The following KLC3 variants were observed in gnomAD, a reference collection of about 807,000 sequenced individuals.
The protein encoded by KLC3 is kinesin light chain 3.
A neutral mutation model predicts 62.9 loss-of-function variants in KLC3; 72 were observed. That is an observed-to-expected ratio of 1.15 (90% CI 0.95 to 1.39). KLC3 has a LOEUF of 1.39. Among genes scored for constraint, KLC3 ranks in the 40% most tolerant of loss-of-function variants. The probability of loss-of-function intolerance (pLI) is 0.00; values close to 1 mark genes in which losing one functional copy is unlikely to be tolerated. For missense variants in KLC3, 848 were observed against 691.6 expected (o/e 1.23, Z -2.54); for synonymous variants, 377 against 300.5 (o/e 1.25, Z -2.63).
Position 45,348,671 on chromosome 19 carries a change from A to G in KLC3, c.805A>G (p.Thr269Ala). ...GGACCAGAACAAGTACAAAGAAGCC[A>G]CAGACCTTCTCCATGATGCCCTGCA... ...YRDQNKYKEA[T>A]DLLHDALQIR... is the part of the protein sequence containing the mutation. The change falls in exon 6 of 13, where the codon ACA becomes GCA. Residue 269 changes from threonine (T) to alanine (A), a missense_variant. Thr to Ala is a moderately conservative substitution (Grantham distance 58, BLOSUM62 0). Coordinates refer to ENST00000391946, the MANE Select transcript of KLC3 (RefSeq NM_177417.3). The G allele has an allele frequency of 1.3e-6, 2 of 1,592,322 alleles. No homozygotes were observed. Among genetic ancestry groups the G allele is most frequent in the Non-Finnish European group, 1.7e-6 (2 of 1,169,722 alleles).
At chr19:45,344,397 C>T (rs238421) in intron 1 of KLC3, among the ~76,000 whole-genome samples, 93,657 of 139,646 alleles carry the variant, frequency 0.67, 32,109 homozygotes, top group African/African-American at 0.86. Context: ...TTTTTTTTTT[C>T]CAGTAGAGAC....
intron 7 of KLC3, among the ~76,000 whole-genome samples, chr19:45,349,143 C>T (rs1042581012): frequency 6.6e-6 from 1 of 152,102 alleles, no homozygotes; most frequent in African/African-American, 2.4e-5. Flanking sequence ...CACACATCAC[C>T]CTCCAACTGG....
In KLC3 at chr19:45,348,078, GC is replaced by G. The variant is rs1568523893; in HGVS notation, c.699del (p.Leu234TrpfsTer127). The part of the protein sequence containing the change: ...YEVAVPLCRQ[A>X]LEDLERSSGH... ...GGTGGCGGTGCCTCTGTGCCGCCAG[GC>G]CTTGGAGGACCTGGAGCGCAGCTCG... On this transcript the variant is annotated frameshift_variant, in exon 5 of 13. Transcript: ENST00000391946. LOFTEE classifies it high-confidence loss of function. The G allele has an allele frequency of 1.2e-6, 2 of 1,603,006 alleles. No homozygotes were observed. Among genetic ancestry groups the G allele is most frequent in the Non-Finnish European group, 1.7e-6 (2 of 1,175,142 alleles).
In KLC3 at chr19:45,351,029, A is replaced by C; in HGVS notation, c.1443+12A>C. ...CTCCTGGGACTCAGGTGAGGGGGAC[A>C]TCTGGGTCAAAAATAGAGGAGGCCA... On this transcript the variant is annotated intron_variant, in intron 12 of 12. Coordinates refer to ENST00000391946, the MANE Select transcript of KLC3 (RefSeq NM_177417.3). 1.2e-6 allele frequency: 2 copies of C among 1,614,134 alleles called. No homozygotes were observed. The highest frequency in any genetic ancestry group is 8.5e-7 in the Non-Finnish European group (1 of 1,180,012).
At position 45,350,683 on chromosome 19, in the gene KLC3, A is replaced by G. The variant is rs758179169; in HGVS notation, c.1315A>G (p.Ile439Val). The change falls in exon 11 of 13, where the codon ATC (isoleucine) becomes GTC (valine). Residue 439 changes from isoleucine to valine, a missense_variant. By Grantham distance (29) the Ile-to-Val change is conservative. Transcript: ENST00000391946. ...CTCACTCTCCAAGATCCGTGAGTCT[A>G]TCAGGCGAGGAAGTGAGAAGCTGGT... Reference protein sequence around the residue: ...SSSLSKIRESIRRGSEKLVSR... With the variant: ...SSSLSKIRESVRRGSEKLVSR... 2 of 1,613,720 alleles carry G rather than the reference A, an allele frequency of 1.2e-6. No homozygotes were observed. The highest frequency in any genetic ancestry group is 1.7e-5 in the Admixed American group (1 of 59,956).
At position 45,349,485 on chromosome 19, in the gene KLC3, G is replaced by A. The variant is rs772782478; in HGVS notation, c.1026G>A (p.Leu342=). ...AGCAGCTCAACAACCTGGCCCTGCT[G>A]TGCCAGAACCAGGGCAAGTTTGAGG... ...VAKQLNNLAL[L]CQNQGKFEDV... is the part of the protein sequence containing the mutation. Residue 342 remains leucine, a synonymous_variant, in exon 8 of 13, where the codon CTG becomes CTA. Transcript: ENST00000391946. 2.5e-6 allele frequency: 4 copies of A among 1,613,950 alleles called. No homozygotes were observed. The highest frequency in any genetic ancestry group is 2.5e-6 in the Non-Finnish European group (3 of 1,179,914).
rs555010598 is a variant in KLC3, at chr19:45,349,289, T to C, written c.970-140T>C. On this transcript the variant is annotated intron_variant, in intron 7 of 12. Transcript: ENST00000391946. The stretch of plus-strand genomic sequence containing the variant: ...GGTAATCCCGTTAGATGGTATAACT[T>C]GTGTCCCCAGCCCCCAACCTCTCAG... 39 of 824,816 alleles carry C rather than the reference T, an allele frequency of 4.7e-5. No individual in the cohort carries two copies. In the South Asian group the frequency reaches 6.8e-4, roughly 14 times the overall value. The allele number at this position is 824,816 out of a possible 1,614,324, so 51.1% of individuals were successfully genotyped here.
chr19:45,346,899 T>A, intron 3 of KLC3, 125 bp downstream of exon 3: 1 of 865,922 alleles, frequency 1.2e-6, no homozygotes, highest in Non-Finnish European at 1.7e-6. Flanking sequence ...CCCCAGACCC[T>A]CCTTAGAATG....
At chr19:45,344,093 A>G (rs1373674273) in intron 1 of KLC3, among the ~76,000 whole-genome samples, 1 of 150,908 alleles carries the variant, frequency 6.6e-6, no homozygotes, top group Non-Finnish European at 1.5e-5. Flanking sequence ...CAAAATCCCA[A>G]AGTGCTCGGA....
At position 45,348,070 on chromosome 19, in the gene KLC3, G is replaced by T; in HGVS notation, c.689G>T (p.Cys230Phe). ...QGRYEVAVPL[C>F]RQALEDLERS... is the part of the protein sequence containing the mutation. ...CGCTATGAGGTGGCGGTGCCTCTGT[G>T]CCGCCAGGCCTTGGAGGACCTGGAG... The change falls in exon 5 of 13, where the codon TGC becomes TTC. Residue 230 changes from cysteine (C) to phenylalanine (F), a missense_variant. Cys to Phe is a radical substitution (Grantham distance 205). Coordinates refer to ENST00000391946, the MANE Select transcript of KLC3 (RefSeq NM_177417.3). The T allele has an allele frequency of 1.2e-6, 2 of 1,602,160 alleles. No individual in the cohort carries two copies. Among genetic ancestry groups the T allele is most frequent in the Non-Finnish European group, 8.5e-7 (1 of 1,174,702 alleles).
rs751093835 is a variant in KLC3 at position 45,348,171 on chromosome 19, C to T, written c.779+11C>T. ...GGCGCTGGTGTACCGGTGAGCACTG[C>T]GGCCAGCCATGGCTGGGGGCAGGAA... On this transcript the variant is annotated intron_variant, in intron 5 of 12. Transcript: ENST00000391946. 6.1e-5 allele frequency: 96 copies of T among 1,562,532 alleles called. No individual in the cohort carries two copies. In the East Asian group the frequency reaches 1.7e-3, roughly 28 times the overall value.
intron 8 of KLC3, 100 bp from the exon 9 acceptor site, chr19:45,350,241 C>T: frequency 1.2e-6 from 1 of 860,390 alleles, no homozygotes. Context: ...GGGCAACATA[C>T]CAAGACCCCT....
chr19:45,350,807 A>G (rs538786185), intron 11 of KLC3, 60 bp downstream of exon 11: 1 of 526,726 alleles, frequency 1.9e-6, no homozygotes, highest in Non-Finnish European at 2.9e-6. Flanking sequence ...AGCCCACCCC[A>G]CCCCCACCCC....
At chr19:45,346,954 C>T in intron 3 of KLC3, 180 bp downstream of exon 3, 1 of 586,734 alleles carries the variant, frequency 1.7e-6, no homozygotes, top group East Asian at 3.0e-5. Context: ...CCCACCAGAA[C>T]TTCCACAGAC....
chr19:45,347,881 A>G, intron 4 of KLC3, 60 bp from the exon 5 acceptor site: 1 of 1,381,010 alleles, frequency 7.2e-7, no homozygotes, highest in Non-Finnish European at 1.0e-6. Flanking sequence ...GTGTCCCCTC[A>G]TGCGAGGCTG....
chr19:45,346,098 G>A (rs912178687), intron 2 of KLC3, among the ~76,000 whole-genome samples: 1 of 152,168 alleles, frequency 6.6e-6, no homozygotes, highest in Non-Finnish European at 1.5e-5. Flanking sequence ...GGAGGCGGAG[G>A]TTGCAGTGAG....
chr19:45,348,657 A>C lies in KLC3; in HGVS notation c.791A>C (p.Lys264Thr), dbSNP rs1185615507. 3 of 1,584,026 alleles carry C rather than the reference A, an allele frequency of 1.9e-6. No individual in the cohort carries two copies. The highest frequency in any genetic ancestry group is 1.7e-6 in the Non-Finnish European group (2 of 1,165,388). Residue 264 changes from lysine (K) to threonine (T), a missense_variant, in exon 6 of 13, where the codon AAG (lysine) becomes ACG (threonine). By Grantham distance (78) the Lys-to-Thr change is moderately conservative. Coordinates refer to ENST00000391946, the MANE Select transcript of KLC3 (RefSeq NM_177417.3). Reference protein sequence around the residue: ...ILALVYRDQNKYKEATDLLHD... With the variant: ...ILALVYRDQNTYKEATDLLHD... Reference sequence around the variant, plus strand: ...GGCGCCCCCCACAGGGACCAGAACAAGTACAAAGAAGCCACAGACCTTCTC... The same window carrying C: ...GGCGCCCCCCACAGGGACCAGAACACGTACAAAGAAGCCACAGACCTTCTC...
In KLC3 at chr19:45,344,379, A is replaced by ATTT. The variant is rs11418920; in HGVS notation, c.-8-1140_-8-1138dup. On this transcript the variant is annotated intron_variant, in intron 1 of 12. Transcript: ENST00000391946. ...CAGGCATGCGCCACCATGCTCTGCT[A>ATTT]TTTTTTTTTTTTTTTTTCCAGTAGA... is the stretch of plus-strand genomic sequence containing the variant. Among the ~76,000 whole-genome samples, 150 of 121,508 alleles carry ATTT rather than the reference A, an allele frequency of 1.2e-3. 1 individual carries two copies. The highest frequency in any genetic ancestry group is 4.3e-3 in the African/African-American group (133 of 31,188). The allele number at this position is 121,508 out of a possible 152,430, so 79.7% of individuals were successfully genotyped here.
chr19:45,347,649 A>G (rs1971536078), intron 4 of KLC3, 133 bp downstream of exon 4: 1 of 813,242 alleles, frequency 1.2e-6, no homozygotes, highest in Non-Finnish European at 2.0e-6. Flanking sequence ...CCTGAATGTG[A>G]CAGTGCAGGT....
Sources: gnomAD v4.1 joint callset for allele counts (sites outside exome capture counted in the v4.1 genomes callset) on GRCh38, gnomAD v4.1.1 for gene constraint, MANE v1.5 for transcripts, NCBI Gene and HGNC (gene_info 2026-07-23, HGNC 2026-07-21) for gene names.